Variants in IKZF4 observed in about 807,000 individuals in gnomAD.
IKZF4 encodes zinc finger protein Eos.
A neutral mutation model predicts 47.7 loss-of-function variants in IKZF4; 11 were observed. The observed-to-expected ratio is 0.23, with a 90% confidence interval of 0.15 to 0.38. IKZF4 has a LOEUF of 0.38. IKZF4 is among the 10% of genes least tolerant of loss of function. The probability of loss-of-function intolerance (pLI) is 1.00; values close to 1 mark genes in which losing one functional copy is unlikely to be tolerated. For synonymous variants in IKZF4, 298 were observed against 299.4 expected (o/e 1.00, Z 0.05); for missense variants, 557 against 784.9 (o/e 0.71, Z 3.47).
chr12:56,030,100 G>A (rs1894666663), intron 5 of IKZF4, among the ~76,000 whole-genome samples: 1 of 152,168 alleles, frequency 6.6e-6, no homozygotes, highest in African/African-American at 2.4e-5. Context: ...TCATGTGGGA[G>A]CTAAAAAAGT....
In IKZF4 at chr12:56,035,137, G is replaced by C; in HGVS notation, c.1564G>C (p.Glu522Gln). ...CAAGGAAGTGCTTCGGGTGGTGGGC[G>C]AGAGTGGTGAGCCTGTGAAGGCCTT... Reference protein sequence around the residue: ...PSKEVLRVVGESGEPVKAFKC... With the variant: ...PSKEVLRVVGQSGEPVKAFKC... The change falls in exon 8 of 8, where the codon GAG (glutamate) becomes CAG (glutamine). Residue 522 changes from glutamate to glutamine, a missense_variant. By Grantham distance (29) the Glu-to-Gln change is conservative. This residue lies in a region of IKZF4 where 280 missense variants were observed against 314.0 expected (regional missense o/e 0.89). Transcript: ENST00000547167. The surrounding 1 kb of genome is among the most constrained non-coding windows in gnomAD (Gnocchi z 6.1). The C allele has an allele frequency of 6.2e-7, 1 of 1,613,958 alleles. No individual in the cohort carries two copies. Among genetic ancestry groups the C allele is most frequent in the Non-Finnish European group, 8.5e-7 (1 of 1,179,872 alleles).
At chr12:56,023,180 G>A (rs906760907) in intron 1 of IKZF4, among the ~76,000 whole-genome samples, 6 of 152,304 alleles carry the variant, frequency 3.9e-5, no homozygotes, top group South Asian at 2.1e-4. Context: ...AGCCTCAGCC[G>A]AATAAGCTGG....
At chr12:56,023,884 A>G (rs1592940771) in intron 2 of IKZF4, 120 bp downstream of exon 2, 1 of 1,507,332 alleles carries the variant, frequency 6.6e-7, no homozygotes, top group South Asian at 1.2e-5. Context: ...TCTCTTCCAT[A>G]TTTAGGCCTG....
At chr12:56,025,851 C>T (rs970644799) in intron 3 of IKZF4, among the ~76,000 whole-genome samples, 4 of 152,184 alleles carry the variant, frequency 2.6e-5, no homozygotes, top group African/African-American at 9.7e-5. Context: ...CCAAGCCAGA[C>T]ATCTTTCTTC....
upstream of IKZF4, chr12:56,021,026 C>A: frequency 9.9e-7 from 1 of 1,015,004 alleles, no homozygotes; most frequent in Non-Finnish European, 1.2e-6. Context: ...ATCCATCTCT[C>A]TCTCTCTCTC....
upstream of IKZF4, among the ~76,000 whole-genome samples, chr12:56,018,485 C>T (rs1892424866): frequency 6.6e-6 from 1 of 152,160 alleles, no homozygotes; most frequent in Non-Finnish European, 1.5e-5. Context: ...TTCTCCTTTG[C>T]TCTGAAGTCA....
intron 2 of IKZF4, among the ~76,000 whole-genome samples, chr12:56,012,922 T>C (rs571120619): frequency 6.6e-6 from 1 of 152,278 alleles, no homozygotes; most frequent in South Asian, 2.1e-4. Flanking sequence ...AGTTTGAGGC[T>C]GTAGTGTGCT....
Position 56,035,045 on chromosome 12 carries a change from G to T in IKZF4, c.1472G>T (p.Ser491Ile), listed in dbSNP as rs767858484. ...CCCACCATTGTGGTGGGCCGGCACA[G>T]TCCTGCCTACGCCAAAGAGGACCCC... is the stretch of plus-strand genomic sequence containing the variant. ...PPPTIVVGRH[S>I]PAYAKEDPKP... is the part of the protein sequence containing the mutation. Residue 491 changes from serine to isoleucine, a missense_variant, in exon 8 of 8, where the codon AGT (serine) becomes ATT (isoleucine). This residue lies in a region of IKZF4 where 280 missense variants were observed against 314.0 expected (regional missense o/e 0.89). Coordinates refer to ENST00000547167, the MANE Select transcript of IKZF4 (RefSeq NM_022465.4). This position sits in a 1 kb window ranked among gnomAD's most constrained non-coding sequence, Gnocchi z 6.1. 1 of 1,575,798 alleles carries T rather than the reference G, an allele frequency of 6.3e-7. No homozygotes were observed. The highest frequency in any genetic ancestry group is 2.2e-5 in the East Asian group (1 of 44,660).
chr12:56,037,316 G>A lies in IKZF4; in HGVS notation c.*1985G>A, dbSNP rs1056673527. On this transcript the variant is annotated 3_prime_UTR_variant, in exon 8 of 8. Coordinates refer to ENST00000547167, the MANE Select transcript of IKZF4 (RefSeq NM_022465.4). ...GTAGCAATAAATAGATGCTGCCAAG[G>A]GCAGAAAATGGGGAGGTTAGCTCAG... 6.6e-6 allele frequency: 1 copy of A among 152,622 alleles called. No individual in the cohort carries two copies. The highest frequency in any genetic ancestry group is 1.5e-5 in the Non-Finnish European group (1 of 68,044). The allele number at this position is 152,622 out of a possible 1,614,324, so 9.5% of individuals were successfully genotyped here. A position where few individuals can be genotyped will look rare whatever the true frequency, so the allele number is the denominator to read the frequency against.
intron 5 of IKZF4, 31 bp downstream of exon 5, chr12:56,027,978 G>C: frequency 6.6e-7 from 1 of 1,526,080 alleles, no homozygotes; most frequent in Non-Finnish European, 8.8e-7. Context: ...AGGAGGGAAT[G>C]AGGCTCCAAC....
upstream of IKZF4, chr12:56,019,511 C>G: frequency 4.1e-6 from 1 of 242,096 alleles, no homozygotes; most frequent in Non-Finnish European, 6.6e-6. Flanking sequence ...GACAGAATGA[C>G]AGGGATCAGG....
chr12:56,021,157 C>A lies in IKZF4; in HGVS notation c.-337C>A. On this transcript the variant is annotated 5_prime_UTR_variant, in exon 1 of 8. Coordinates refer to ENST00000547167, the MANE Select transcript of IKZF4 (RefSeq NM_022465.4). ...GCACACACCCACCACCCACCCCCTTCACTGTCTTGGAAAAGGGATGCTGTA... is the reference window on the plus strand; with the variant it reads ...GCACACACCCACCACCCACCCCCTTAACTGTCTTGGAAAAGGGATGCTGTA... 1 of 1,381,858 alleles carries A rather than the reference C, an allele frequency of 7.2e-7. No individual in the cohort carries two copies. The highest frequency in any genetic ancestry group is 9.4e-7 in the Non-Finnish European group (1 of 1,067,494). The allele number at this position is 1,381,858 out of a possible 1,614,324, so 85.6% of individuals were successfully genotyped here. A position where few individuals can be genotyped will look rare whatever the true frequency, so the allele number is the denominator to read the frequency against.
intron 2 of IKZF4, among the ~76,000 whole-genome samples, chr12:56,013,434 G>T (rs1891587786): frequency 6.6e-6 from 1 of 152,140 alleles, no homozygotes; most frequent in Non-Finnish European, 1.5e-5. Flanking sequence ...GACTTCAAGT[G>T]ATCTGCTTGC....
At chr12:56,028,749 A>AT (rs1175808215) in intron 5 of IKZF4, among the ~76,000 whole-genome samples, 2 of 151,240 alleles carry the variant, frequency 1.3e-5, no homozygotes, top group Admixed American at 6.6e-5. Context: ...TAATTTTTCT[A>AT]TTTTTTTGTA....
At chr12:56,015,021 T>C (rs1349010062) in intron 2 of IKZF4, among the ~76,000 whole-genome samples, 3 of 152,170 alleles carry the variant, frequency 2.0e-5, no homozygotes, top group African/African-American at 7.2e-5. Context: ...CTGCTCACTC[T>C]TGCCTCTCCT....
chr12:56,023,984 A>G lies in IKZF4; in HGVS notation c.181+220A>G, dbSNP rs146262753. The G allele has an allele frequency of 2.6e-4, 229 of 897,850 alleles. 4 individuals are homozygous for G. In the Admixed American group the frequency reaches 8.3e-3, roughly 32 times the overall value. 55.6% of individuals were successfully genotyped at this position (897,850 alleles called of 1,614,324 possible). ...CAATAGGTATGTTCTCTTTATATGTATCTACATATGTGTTGTGTCTCTGTG... is the reference window on the plus strand; with the variant it reads ...CAATAGGTATGTTCTCTTTATATGTGTCTACATATGTGTTGTGTCTCTGTG... On this transcript the variant is annotated intron_variant, in intron 2 of 7. Coordinates refer to ENST00000547167, the MANE Select transcript of IKZF4 (RefSeq NM_022465.4).
intron 5 of IKZF4, 114 bp downstream of exon 5, chr12:56,028,061 G>T (rs559026737): frequency 8.3e-7 from 1 of 1,204,074 alleles, no homozygotes; most frequent in Non-Finnish European, 1.1e-6. Flanking sequence ...GAGGAGGGGG[G>T]AGCATTTACA....
At chr12:56,013,660 TG>T (rs760209438) in intron 2 of IKZF4, among the ~76,000 whole-genome samples, 1 of 152,186 alleles carries the variant, frequency 6.6e-6, no homozygotes, top group Non-Finnish European at 1.5e-5. Context: ...AAGATCTGCC[TG>T]GCTGGTTAGG....
chr12:56,010,529 C>A (rs1891215239), intron 1 of IKZF4: 2 of 152,110 alleles, frequency 1.3e-5, no homozygotes, highest in Non-Finnish European at 1.5e-5. Flanking sequence ...ATCCTCCCAT[C>A]CATAAGCCTG....
Sources: gnomAD v4.1 joint callset for allele counts (sites outside exome capture counted in the v4.1 genomes callset) on GRCh38, gnomAD v4.1.1 for gene constraint, gnomAD v4.1.1 regional missense constraint, Gnocchi (gnomAD v3.1) non-coding constraint, MANE v1.5 for transcripts, NCBI Gene and HGNC (gene_info 2026-07-23, HGNC 2026-07-21) for gene names.